Variants in GHR observed in about 807,000 individuals in gnomAD.
GHR encodes growth hormone receptor.
A neutral mutation model predicts 67.1 loss-of-function variants in GHR; 35 were observed. The ratio of observed to expected loss-of-function variants is 0.52; its 90% CI spans 0.40 to 0.69. GHR has a LOEUF of 0.69. Ranked by LOEUF, GHR falls within the 30% of genes least tolerant of loss-of-function variation. The pLI, the probability that GHR is intolerant of heterozygous loss-of-function variation, is 0.00. For synonymous variants in GHR, 272 were observed against 269.1 expected (o/e 1.01, Z -0.10); for missense variants, 792 against 764.6 (o/e 1.04, Z -0.42).
intron 7 of GHR, among the ~76,000 whole-genome samples, chr5:42,713,136 T>G (rs910950120): frequency 1.2e-4 from 18 of 152,264 alleles, no homozygotes; most frequent in African/African-American, 4.3e-4. Flanking sequence ...ACACATAGTA[T>G]GCTTAAAGCA....
chr5:42,671,293 G>A (rs1354949323), intron 3 of GHR, among the ~76,000 whole-genome samples: 1 of 152,014 alleles, frequency 6.6e-6, no homozygotes, highest in African/African-American at 2.4e-5. Context: ...GGAAGCAGGA[G>A]TAAGAGAGAG....
intron 1 of GHR, among the ~76,000 whole-genome samples, chr5:42,518,124 A>G (rs752160738): frequency 1.4e-3 from 202 of 149,434 alleles, no homozygotes; most frequent in Non-Finnish European, 2.6e-3. Flanking sequence ...TTTTGAATTC[A>G]TGATTCTAAT....
intron 3 of GHR, among the ~76,000 whole-genome samples, chr5:42,642,204 T>G (rs10063672): frequency 0.34 from 51,951 of 151,750 alleles, 10,262 homozygotes; most frequent in African/African-American, 0.55. Context: ...CCAAAAGAAA[T>G]CAAGCCCAGT....
chr5:42,455,859 G>T (rs1744237634), intron 1 of GHR, among the ~76,000 whole-genome samples: 2 of 152,210 alleles, frequency 1.3e-5, no homozygotes, highest in Non-Finnish European at 2.9e-5. Context: ...GTTGGAATAA[G>T]AAGTCAGAAG....
At chr5:42,609,448 T>C (rs544455166) in intron 2 of GHR, among the ~76,000 whole-genome samples, 3 of 152,168 alleles carry the variant, frequency 2.0e-5, no homozygotes, top group Non-Finnish European at 4.4e-5. Flanking sequence ...ATTTTTCATG[T>C]CAGATGGTGG....
chr5:42,534,946 G>A (rs1280479555), intron 1 of GHR, among the ~76,000 whole-genome samples: 1 of 151,792 alleles, frequency 6.6e-6, no homozygotes, highest in Non-Finnish European at 1.5e-5. Flanking sequence ...ATATTTCTTG[G>A]CCATTTGTAT....
chr5:42,705,925 G>A (rs1482669970), intron 6 of GHR, among the ~76,000 whole-genome samples: 1 of 152,046 alleles, frequency 6.6e-6, no homozygotes, highest in African/African-American at 2.4e-5. Flanking sequence ...CGGGACTGCT[G>A]GGTCAAATGA....
rs1158830359 is a variant in GHR at position 42,424,171 on chromosome 5, A to AGTGTGTGTGTGT, written c.-12+253_-12+264dup. 0.023 allele frequency among the ~76,000 whole-genome samples: 2,356 copies of AGTGTGTGTGTGT among 100,528 alleles called. 106 individuals carry two copies. The highest frequency in any genetic ancestry group is 0.027 in the Non-Finnish European group (1,345 of 50,372). The allele number at this position is 100,528 out of a possible 152,430, so 66.0% of individuals were successfully genotyped here. A position where few individuals can be genotyped will look rare whatever the true frequency, so the allele number is the denominator to read the frequency against. On this transcript the variant is annotated intron_variant, in intron 1 of 9. Transcript: ENST00000230882. This position sits in a 1 kb window ranked among gnomAD's most constrained non-coding sequence, Gnocchi z 4.1. ...CTGGTGGGTTGTTGTAACCCAATCT[A>AGTGTGTGTGTGT]GTGTGTGTGTGTGTGTGTGTGTGTG... is the stretch of plus-strand genomic sequence containing the variant.
At chr5:42,534,904 C>A (rs1233217081) in intron 1 of GHR, among the ~76,000 whole-genome samples, 2 of 152,124 alleles carry the variant, frequency 1.3e-5, no homozygotes, top group South Asian at 4.1e-4. Flanking sequence ...TTGCATTTCC[C>A]TTATCATTAG....
intron 1 of GHR, among the ~76,000 whole-genome samples, chr5:42,427,553 C>T (rs1484290446): frequency 1.3e-5 from 2 of 152,192 alleles, no homozygotes; most frequent in Admixed American, 6.5e-5. Context: ...CAAAGCCAAA[C>T]CATATCATTC....
intron 3 of GHR, among the ~76,000 whole-genome samples, chr5:42,661,621 G>A (rs1381496829): frequency 1.3e-5 from 2 of 152,140 alleles, no homozygotes; most frequent in African/African-American, 4.8e-5. Context: ...ACATGGAAAG[G>A]AACAACAGGT....
At chr5:42,683,123 T>C (rs1000733853) in intron 3 of GHR, among the ~76,000 whole-genome samples, 5 of 152,186 alleles carry the variant, frequency 3.3e-5, no homozygotes, top group African/African-American at 1.2e-4. Context: ...TGCCTCAGCC[T>C]CCCAGGTAGC....
chr5:42,553,788 A>C (rs2112430080), intron 1 of GHR, among the ~76,000 whole-genome samples: 1 of 152,174 alleles, frequency 6.6e-6, no homozygotes. Flanking sequence ...TTGAGTGATC[A>C]TTTCTGTGGC....
At chr5:42,651,924 G>T (rs1755036316) in intron 3 of GHR, among the ~76,000 whole-genome samples, 1 of 152,018 alleles carries the variant, frequency 6.6e-6, no homozygotes, top group South Asian at 2.1e-4. Flanking sequence ...TAAAATATTT[G>T]GGGGCATAAT....
At chr5:42,668,559 G>A (rs1260705799) in intron 3 of GHR, among the ~76,000 whole-genome samples, 1 of 152,006 alleles carries the variant, frequency 6.6e-6, no homozygotes, top group Non-Finnish European at 1.5e-5. Context: ...TGACACAGCT[G>A]TCTTACCGCA....
intron 1 of GHR, among the ~76,000 whole-genome samples, chr5:42,543,209 A>G (rs1187069517): frequency 1.3e-5 from 2 of 152,098 alleles, no homozygotes; most frequent in Non-Finnish European, 1.5e-5. Flanking sequence ...AGGAATTTCC[A>G]TATTGTTTTC....
chr5:42,431,463 A>G (rs1246409436), intron 1 of GHR, among the ~76,000 whole-genome samples: 4 of 152,192 alleles, frequency 2.6e-5, no homozygotes, highest in African/African-American at 9.7e-5. Flanking sequence ...GCCAGGCACT[A>G]ATTTTACTTA....
At chr5:42,429,226 G>A (rs1351658298) in intron 1 of GHR, among the ~76,000 whole-genome samples, 4 of 152,236 alleles carry the variant, frequency 2.6e-5, no homozygotes, top group East Asian at 1.9e-4. Context: ...AGGCATGTGC[G>A]GGGGAACTAC....
At position 42,695,013 on chromosome 5, in the gene GHR, C is replaced by A. The variant is rs1449333481; in HGVS notation, c.363C>A (p.Ile121=). The change falls in exon 5 of 10, where the codon ATC becomes ATA. Residue 121 remains isoleucine, a synonymous_variant. Coordinates refer to ENST00000230882, the MANE Select transcript of GHR (RefSeq NM_000163.5). ...ACTTTAATTCATCGTTTACCTCCAT[C>A]TGGATACCTTATTGTATCAAGCTAA... ...SCYFNSSFTS[I]WIPYCIKLTS... is the part of the protein sequence containing the mutation. 10 of 1,609,352 alleles carry A rather than the reference C, an allele frequency of 6.2e-6. No individual in the cohort carries two copies. Among genetic ancestry groups the A allele is most frequent in the Non-Finnish European group, 8.5e-6 (10 of 1,175,826 alleles).
Sources: gnomAD v4.1 joint callset for allele counts (sites outside exome capture counted in the v4.1 genomes callset) on GRCh38, gnomAD v4.1.1 for gene constraint, Gnocchi (gnomAD v3.1) non-coding constraint, MANE v1.5 for transcripts, NCBI Gene and HGNC (gene_info 2026-07-23, HGNC 2026-07-21) for gene names.